The following EIF2AK4 variants were observed in gnomAD, a reference collection of about 807,000 sequenced individuals.
EIF2AK4 encodes eIF-2-alpha kinase GCN2.
Under a neutral mutation model 211.1 loss-of-function variants are expected in EIF2AK4, and 139 were observed. The observed-to-expected ratio is 0.66, with a 90% CI of 0.57 to 0.76. The LOEUF (loss-of-function observed/expected upper bound fraction) is 0.76. Among genes scored for constraint, EIF2AK4 ranks in the 30% least tolerant of loss-of-function variants. The probability of loss-of-function intolerance (pLI) is 0.00; values close to 1 mark genes in which losing one functional copy is unlikely to be tolerated. For missense variants in EIF2AK4, 1,664 were observed against 2,043.8 expected (o/e 0.81, Z 3.58); for synonymous variants, 710 against 751.3 (o/e 0.94, Z 0.90).
chr15:39,982,110 G>C lies in EIF2AK4; in HGVS notation c.2320-3695G>C, dbSNP rs1362507465. 4.6e-5 allele frequency among the ~76,000 whole-genome samples: 7 copies of C among 152,228 alleles called. No individual in the cohort carries two copies. The East Asian group carries it at 1.2e-3, about 25-fold the overall frequency. The stretch of plus-strand genomic sequence containing the variant: ...CGGCTAATTTTTTGTATTTTTAGTA[G>C]AGACAGGGTTTCACCGTGTTAGCCA... On this transcript the variant is annotated intron_variant, in intron 13 of 38. Transcript: ENST00000263791.
Position 39,957,337 on chromosome 15 carries a change from A to G in EIF2AK4, c.743+1569A>G, listed in dbSNP as rs576782921. ...TGTGACCCCAACACTTTGGGATGCC[A>G]AGGCTGAAGGATCACTTGAGCCCAG... On this transcript the variant is annotated intron_variant, in intron 6 of 38. Transcript: ENST00000263791. Among the ~76,000 whole-genome samples, 70 of 152,228 alleles carry G rather than the reference A, an allele frequency of 4.6e-4. 1 individual carries two copies. The South Asian group carries it at 0.014, about 31-fold the overall frequency.
Position 39,976,854 on chromosome 15 carries a change from C to G in EIF2AK4, c.2249+10C>G. 1 of 1,461,010 alleles carries G rather than the reference C, an allele frequency of 6.8e-7. No individual in the cohort carries two copies. The highest frequency in any genetic ancestry group is 2.7e-5 in the Admixed American group (1 of 37,378). The allele number at this position is 1,461,010 out of a possible 1,614,324, so 90.5% of individuals were successfully genotyped here. A position where few individuals can be genotyped will look rare whatever the true frequency, so the allele number is the denominator to read the frequency against. On this transcript the variant is annotated intron_variant, in intron 12 of 38. Transcript: ENST00000263791. ...TCTCCCAGTCCTTCCTGTAAGCGCA[C>G]GGCGCGGACCAGCTGCCTCTGATGC...
intron 27 of EIF2AK4, among the ~76,000 whole-genome samples, chr15:40,014,378 G>A (rs965528345): frequency 6.6e-6 from 1 of 152,260 alleles, no homozygotes; most frequent in South Asian, 2.1e-4. Flanking sequence ...TACATCCTCT[G>A]TAATCTAGGC....
rs776437384 is a variant in EIF2AK4, at chr15:39,972,920, G to A, written c.1566G>A (p.Leu522=). The change falls in exon 10 of 39, where the codon TTG becomes TTA. Residue 522 remains leucine (L), a synonymous_variant. Coordinates refer to ENST00000263791, the MANE Select transcript of EIF2AK4 (RefSeq NM_001013703.4). ...CCCTCTCACCGAGATGTGTGTGCTT[G>A]GATGACAAGGAAAGATGGAGTCCCC... ...FQDFLKKCVC[L]DDKERWSPQQ... The A allele has an allele frequency of 1.2e-6, 2 of 1,613,870 alleles. No individual in the cohort carries two copies. Among genetic ancestry groups the A allele is most frequent in the Admixed American group, 1.7e-5 (1 of 59,998 alleles).
At chr15:40,006,219 T>C in intron 23 of EIF2AK4, among the ~76,000 whole-genome samples, 1 of 152,210 alleles carries the variant, frequency 6.6e-6, no homozygotes, top group Admixed American at 6.5e-5. Context: ...ATTCCTCACT[T>C]CTGTTTTTCT....
At chr15:39,972,788 GAGT>G in intron 9 of EIF2AK4, 117 bp from the exon 10 acceptor site, 1 of 718,474 alleles carries the variant, frequency 1.4e-6, no homozygotes, top group Non-Finnish European at 2.3e-6. Flanking sequence ...TCTGGTCTTT[GAGT>G]AACATGAATT....
intron 13 of EIF2AK4, among the ~76,000 whole-genome samples, chr15:39,982,151 C>A (rs1041728232): frequency 2.0e-5 from 3 of 152,126 alleles, no homozygotes; most frequent in Admixed American, 6.5e-5. Flanking sequence ...GTCTCGATCT[C>A]CTGACCTCGT....
chr15:40,013,333 C>T (rs118075218), intron 27 of EIF2AK4, among the ~76,000 whole-genome samples: 18 of 152,020 alleles, frequency 1.2e-4, no homozygotes, highest in African/African-American at 1.9e-4. Flanking sequence ...GGATAGCAGG[C>T]GTGAGCCATT....
At chr15:40,010,115 A>T (rs1467978298) in intron 26 of EIF2AK4, among the ~76,000 whole-genome samples, 1 of 152,260 alleles carries the variant, frequency 6.6e-6, no homozygotes, top group African/African-American at 2.4e-5. Flanking sequence ...AAGATAGTTA[A>T]CATTGACTGA....
chr15:39,980,610 G>A (rs1489065596), intron 13 of EIF2AK4, among the ~76,000 whole-genome samples: 3 of 152,170 alleles, frequency 2.0e-5, no homozygotes, highest in Non-Finnish European at 4.4e-5. Flanking sequence ...AGTAAGGGAG[G>A]TCACCAAAAA....
intron 11 of EIF2AK4, among the ~76,000 whole-genome samples, chr15:39,975,717 T>G (rs1297585876): frequency 3.9e-5 from 6 of 152,238 alleles, no homozygotes; most frequent in Non-Finnish European, 4.4e-5. Context: ...CTGGTTTCAG[T>G]ATACATCATC....
chr15:39,965,921 A>G (rs2034538360), intron 8 of EIF2AK4, 78 bp downstream of exon 8: 2 of 1,555,580 alleles, frequency 1.3e-6, no homozygotes, highest in Non-Finnish European at 1.7e-6. Context: ...ATAGCCCTGC[A>G]TTTGTTTGCC....
chr15:40,020,817 C>A, intron 30 of EIF2AK4, 82 bp from the exon 31 acceptor site: 1 of 1,317,912 alleles, frequency 7.6e-7, no homozygotes. Context: ...CCCAAGAGTG[C>A]TGCCTCCCCT....
Position 39,957,216 on chromosome 15 carries a change from A to G in EIF2AK4, c.743+1448A>G, listed in dbSNP as rs536881292. On this transcript the variant is annotated intron_variant, in intron 6 of 38. Coordinates refer to ENST00000263791, the MANE Select transcript of EIF2AK4 (RefSeq NM_001013703.4). ...TGGAAGATGATTGTTTTAAGTTTAA[A>G]CATTTCTATTTTTGTGGCTAACTAT... 2.0e-5 allele frequency among the ~76,000 whole-genome samples: 3 copies of G among 152,314 alleles called. No individual in the cohort carries two copies. In the South Asian group the frequency reaches 6.2e-4, roughly 32 times the overall value.
At chr15:40,030,232 C>A in intron 34 of EIF2AK4, 127 bp from the exon 35 acceptor site, 1 of 910,792 alleles carries the variant, frequency 1.1e-6, no homozygotes, top group Admixed American at 2.3e-5. Context: ...AAAACACAGC[C>A]CAGTCGTGAT....
At chr15:39,998,257 G>GTTTTTTTTTTT (rs752625722) in intron 19 of EIF2AK4, among the ~76,000 whole-genome samples, 3 of 109,750 alleles carry the variant, frequency 2.7e-5, no homozygotes, top group Admixed American at 9.3e-5. Flanking sequence ...TATGGGTGTG[G>GTTTTTTTTTTT]TTTTTTTTTT....
At chr15:40,003,465 A>C in intron 23 of EIF2AK4, 151 bp downstream of exon 23, 1 of 1,270,226 alleles carries the variant, frequency 7.9e-7, no homozygotes, top group Non-Finnish European at 1.1e-6. Flanking sequence ...TGAGAGTGTT[A>C]CTGGGGTGGA....
At chr15:39,993,220 C>G (rs2034975253) in intron 18 of EIF2AK4, among the ~76,000 whole-genome samples, 1 of 152,112 alleles carries the variant, frequency 6.6e-6, no homozygotes, top group African/African-American at 2.4e-5. Flanking sequence ...ATCCATCCAT[C>G]CAGCCATCCA....
At chr15:39,954,023 A>G in intron 5 of EIF2AK4, 39 bp downstream of exon 5, 1 of 1,508,296 alleles carries the variant, frequency 6.6e-7, no homozygotes, top group Non-Finnish European at 8.9e-7. Context: ...TACATTTTGC[A>G]AAACAAAGTG....
Sources: allele counts gnomAD v4.1 joint callset (sites outside exome capture counted in the v4.1 genomes callset), GRCh38; gene constraint gnomAD v4.1.1; transcripts MANE v1.5; gene names NCBI Gene and HGNC (gene_info 2026-07-23, HGNC 2026-07-21).